TMEM132C: variants seen among roughly 807,000 people sequenced by gnomAD.
The protein encoded by TMEM132C is transmembrane protein 132C, also known as protein phosphatase 1, regulatory subunit 152.
Under a neutral mutation model 61.4 loss-of-function variants are expected in TMEM132C, and 29 were observed. That is an observed-to-expected ratio of 0.47 (90% CI 0.35 to 0.64). The LOEUF is 0.64. Ranked by LOEUF, TMEM132C falls within the 30% of genes least tolerant of loss-of-function variation. TMEM132C has a pLI of 0.00. For synonymous variants in TMEM132C, 656 were observed against 633.1 expected (o/e 1.04, Z -0.54); for missense variants, 1,408 against 1,476.9 (o/e 0.95, Z 0.76).
At chr12:128,459,303 T>G (rs1870449721) in intron 2 of TMEM132C, among the ~76,000 whole-genome samples, 1 of 152,218 alleles carries the variant, frequency 6.6e-6, no homozygotes, top group South Asian at 2.1e-4. Context: ...TGTTCTGCAC[T>G]GCTGGCCATA....
At chr12:128,543,744 G>A (rs1200223657) in intron 2 of TMEM132C, among the ~76,000 whole-genome samples, 10 of 152,008 alleles carry the variant, frequency 6.6e-5, no homozygotes, top group Admixed American at 3.3e-4. Context: ...CCTCAGAACC[G>A]GACAGCAAGG....
chr12:128,695,599 T>A (rs1954754275), intron 6 of TMEM132C, among the ~76,000 whole-genome samples: 1 of 152,216 alleles, frequency 6.6e-6, no homozygotes, highest in Non-Finnish European at 1.5e-5. Flanking sequence ...TATGAGACAG[T>A]GCAGACTTGG....
chr12:128,390,853 T>A (rs1593036340), intron 1 of TMEM132C, among the ~76,000 whole-genome samples: 1 of 151,150 alleles, frequency 6.6e-6, no homozygotes, highest in Non-Finnish European at 1.5e-5. Flanking sequence ...GTGGTGGCCA[T>A]GGAGAGAAGA....
chr12:128,601,349 A>G (rs182854831), intron 3 of TMEM132C, among the ~76,000 whole-genome samples: 5 of 152,344 alleles, frequency 3.3e-5, no homozygotes, highest in Non-Finnish European at 5.9e-5. Context: ...TCACCCAGTC[A>G]TTCTTCACTC....
chr12:128,450,112 A>C (rs1374939134), intron 2 of TMEM132C, among the ~76,000 whole-genome samples: 2 of 152,228 alleles, frequency 1.3e-5, no homozygotes, highest in Non-Finnish European at 2.9e-5. Context: ...TGGTGGTAAT[A>C]GTCTATATCA....
intron 3 of TMEM132C, among the ~76,000 whole-genome samples, chr12:128,604,390 G>A (rs1463837248): frequency 6.8e-6 from 1 of 146,660 alleles, no homozygotes; most frequent in African/African-American, 2.5e-5. Flanking sequence ...TGGCTAGATA[G>A]ATAAATAATG....
At chr12:128,314,161 A>T (rs142701738) in intron 1 of TMEM132C, among the ~76,000 whole-genome samples, 38 of 152,334 alleles carry the variant, frequency 2.5e-4, no homozygotes, top group African/African-American at 8.7e-4. Context: ...TACTCAGTGG[A>T]GAAATCTGTT....
chr12:128,570,696 G>T lies in TMEM132C; in HGVS notation c.1121+26593G>T, dbSNP rs1326617663. ...TGTGGTGGCTTTTCTCATGCTCACA[G>T]GATGACAGCTATACCCACAGGCATC... On this transcript the variant is annotated intron_variant, in intron 3 of 8. Transcript: ENST00000435159. This position sits in a 1 kb window ranked among gnomAD's most constrained non-coding sequence, Gnocchi z 4.7. Among the ~76,000 whole-genome samples, 1 of 152,182 alleles carries T rather than the reference G, an allele frequency of 6.6e-6. No homozygotes were observed. Among genetic ancestry groups the T allele is most frequent in the African/African-American group, 2.4e-5 (1 of 41,438 alleles).
At position 128,326,874 on chromosome 12, in the gene TMEM132C, G is replaced by T. The variant is rs191597959; in HGVS notation, c.85+59387G>T. On this transcript the variant is annotated intron_variant, in intron 1 of 8. Coordinates refer to ENST00000435159, the MANE Select transcript of TMEM132C (RefSeq NM_001136103.3). The surrounding 1 kb of genome is among the most constrained non-coding windows in gnomAD (Gnocchi z 5.6). ...TATTTTTAATAAAGCAGAGGCTTTT[G>T]TTGTTGTTGTTAACATTGAACTTCC... 3.4e-4 allele frequency among the ~76,000 whole-genome samples: 48 copies of T among 139,410 alleles called. 9 individuals carry two copies. Among genetic ancestry groups the T allele is most frequent in the African/African-American group, 1.3e-3 (47 of 35,780 alleles). The allele number at this position is 139,410 out of a possible 152,430, so 91.5% of individuals were successfully genotyped here. A position where few individuals can be genotyped will look rare whatever the true frequency, so the allele number is the denominator to read the frequency against.
chr12:128,551,467 T>TG, intron 3 of TMEM132C, among the ~76,000 whole-genome samples: 1 of 152,244 alleles, frequency 6.6e-6, no homozygotes, highest in East Asian at 1.9e-4. Flanking sequence ...CCCATCACCC[T>TG]GGGAGAGGTC....
chr12:128,611,656 G>A (rs1876640152), intron 3 of TMEM132C, among the ~76,000 whole-genome samples: 1 of 152,218 alleles, frequency 6.6e-6, no homozygotes, highest in Non-Finnish European at 1.5e-5. Context: ...GATACTGGAG[G>A]GAAACCTTCT....
At chr12:128,446,273 T>C (rs1869977230) in intron 2 of TMEM132C, among the ~76,000 whole-genome samples, 2 of 152,170 alleles carry the variant, frequency 1.3e-5, no homozygotes, top group Admixed American at 1.3e-4. Flanking sequence ...TATGCTGAGC[T>C]CAAGTCTCAG....
rs1874852818 is a variant in TMEM132C at position 128,570,873 on chromosome 12, A to G, written c.1121+26770A>G. 6.6e-6 allele frequency among the ~76,000 whole-genome samples: 1 copy of G among 152,238 alleles called. No individual in the cohort carries two copies. The highest frequency in any genetic ancestry group is 1.5e-5 in the Non-Finnish European group (1 of 68,034). On this transcript the variant is annotated intron_variant, in intron 3 of 8. Transcript: ENST00000435159. The surrounding 1 kb of genome is among the most constrained non-coding windows in gnomAD (Gnocchi z 4.7). ...ACATCTGCTTATATCTCATGGCTGA[A>G]TGGGACCCGTAGAGCCACTCCTAGC...
intron 2 of TMEM132C, among the ~76,000 whole-genome samples, chr12:128,425,802 T>C (rs1869162787): frequency 6.6e-6 from 1 of 152,230 alleles, no homozygotes; most frequent in South Asian, 2.1e-4. Context: ...TGTGTCTCAA[T>C]ATCCCTGTCC....
intron 3 of TMEM132C, among the ~76,000 whole-genome samples, chr12:128,549,227 C>G (rs180717064): frequency 9.2e-5 from 14 of 152,226 alleles, no homozygotes; most frequent in Admixed American, 9.2e-4. Context: ...GGGTGTGCTC[C>G]TCTCACAGCA....
chr12:128,527,805 C>T (rs1206630231), intron 2 of TMEM132C, among the ~76,000 whole-genome samples: 1 of 152,094 alleles, frequency 6.6e-6, no homozygotes, highest in African/African-American at 2.4e-5. Context: ...CAAGCCAACA[C>T]TTGCCTAGGT....
At chr12:128,344,542 A>G (rs1264477231) in intron 1 of TMEM132C, among the ~76,000 whole-genome samples, 1 of 152,146 alleles carries the variant, frequency 6.6e-6, no homozygotes, top group Non-Finnish European at 1.5e-5. Context: ...ATTTTGGGGA[A>G]CTGTCAAACT....
intron 4 of TMEM132C, among the ~76,000 whole-genome samples, chr12:128,646,755 C>T (rs1045633622): frequency 3.3e-5 from 5 of 150,798 alleles, no homozygotes; most frequent in African/African-American, 1.2e-4. Context: ...TAGAGTCCAT[C>T]AGCATTGGAT....
At chr12:128,513,954 C>T (rs144662495) in intron 2 of TMEM132C, among the ~76,000 whole-genome samples, 27 of 152,252 alleles carry the variant, frequency 1.8e-4, no homozygotes, top group East Asian at 1.7e-3. Context: ...CAAGACAGAC[C>T]GTAGGGAGGG....
Sources: allele counts gnomAD v4.1 joint callset (sites outside exome capture counted in the v4.1 genomes callset), GRCh38; gene constraint gnomAD v4.1.1; non-coding constraint Gnocchi (gnomAD v3.1); transcripts MANE v1.5; gene names NCBI Gene and HGNC (gene_info 2026-07-23, HGNC 2026-07-21).